RGS17: variants seen among roughly 807,000 people sequenced by gnomAD.
RGS17 encodes the protein regulator of G-protein signaling 17.
In RGS17, 12 loss-of-function variants were observed where a neutral mutation model predicts 25.5. That is an observed-to-expected ratio of 0.47 (90% CI 0.30 to 0.76). The LOEUF is 0.76. Ranked by LOEUF, RGS17 falls within the 30% of genes least tolerant of loss-of-function variation. RGS17 has a pLI of 0.07. For synonymous variants in RGS17, 71 were observed against 76.9 expected (o/e 0.92, Z 0.40); for missense variants, 196 against 242.2 (o/e 0.81, Z 1.27).
At chr6:153,029,948 T>C (rs1375718572) in intron 2 of RGS17, among the ~76,000 whole-genome samples, 2 of 152,200 alleles carry the variant, frequency 1.3e-5, no homozygotes, top group South Asian at 2.1e-4. Context: ...CATTTAAAAC[T>C]AACATTTCTA....
chr6:153,045,741 G>C (rs1455033341), intron 1 of RGS17, among the ~76,000 whole-genome samples: 1 of 152,062 alleles, frequency 6.6e-6, no homozygotes, highest in African/African-American at 2.4e-5. Context: ...GCTAATAACA[G>C]AATCACCTAA....
intron 1 of RGS17, among the ~76,000 whole-genome samples, chr6:153,052,565 C>T (rs186196832): frequency 2.0e-4 from 30 of 152,016 alleles, no homozygotes; most frequent in African/African-American, 7.2e-4. Context: ...ATGTTCATAG[C>T]TGGAGAGGAG....
intron 2 of RGS17, among the ~76,000 whole-genome samples, chr6:153,039,567 G>C (rs1013982641): frequency 3.9e-5 from 6 of 152,112 alleles, no homozygotes; most frequent in African/African-American, 1.4e-4. Context: ...TTGCTTGATG[G>C]GACACCCACA....
chr6:153,099,414 CA>C (rs1777262063), intron 1 of RGS17, among the ~76,000 whole-genome samples: 2 of 152,134 alleles, frequency 1.3e-5, no homozygotes, highest in Non-Finnish European at 2.9e-5. Flanking sequence ...CAATTAAGTT[CA>C]AATAAGTATT....
chr6:153,081,993 G>A (rs1776993739), intron 1 of RGS17, among the ~76,000 whole-genome samples: 1 of 152,104 alleles, frequency 6.6e-6, no homozygotes, highest in South Asian at 2.1e-4. Flanking sequence ...AATCTTGAAC[G>A]ATAGATTGGG....
chr6:153,063,808 C>G (rs1185870341), intron 1 of RGS17, among the ~76,000 whole-genome samples: 1 of 151,852 alleles, frequency 6.6e-6, no homozygotes, highest in African/African-American at 2.4e-5. Flanking sequence ...AAATAAATTC[C>G]CAAAGGTCAA....
At chr6:153,055,203 A>G (rs1776536433) in intron 1 of RGS17, among the ~76,000 whole-genome samples, 1 of 152,132 alleles carries the variant, frequency 6.6e-6, no homozygotes, top group African/African-American at 2.4e-5. Flanking sequence ...CCTGTGCACC[A>G]CTGCAAACTG....
intron 2 of RGS17, among the ~76,000 whole-genome samples, chr6:153,038,979 G>T (rs1298589609): frequency 6.6e-6 from 1 of 152,140 alleles, no homozygotes; most frequent in Non-Finnish European, 1.5e-5. Flanking sequence ...GACAATTTTA[G>T]CTTTCAAAAG....
chr6:153,106,927 C>G (rs1161205845), intron 1 of RGS17, among the ~76,000 whole-genome samples: 1 of 151,918 alleles, frequency 6.6e-6, no homozygotes, highest in Admixed American at 6.6e-5. Context: ...AGCCACCGTG[C>G]CTGGCTGTAT....
intron 4 of RGS17, among the ~76,000 whole-genome samples, chr6:153,016,299 T>C (rs1381489530): frequency 2.6e-5 from 4 of 152,358 alleles, no homozygotes; most frequent in Admixed American, 1.3e-4. Flanking sequence ...ACACTGGAGT[T>C]TAAACTGAGA....
chr6:153,072,357 G>C (rs1435479494), intron 1 of RGS17, among the ~76,000 whole-genome samples: 1 of 152,156 alleles, frequency 6.6e-6, no homozygotes, highest in African/African-American at 2.4e-5. Flanking sequence ...GTGTTACCCA[G>C]TTGGGTAGAA....
rs3083488 is a variant in RGS17, at chr6:153,097,290, AT to A, written c.-26+33833del. On this transcript the variant is annotated intron_variant, in intron 1 of 4. Transcript: ENST00000206262. Reference sequence around the variant, plus strand: ...GGGCTTAGACAATAGCGTTTTTTTGATTTTTTTTTTTTTTTTTTTTTTTTTT... The same window carrying A: ...GGGCTTAGACAATAGCGTTTTTTTGATTTTTTTTTTTTTTTTTTTTTTTTT... Among the ~76,000 whole-genome samples the A allele has an allele frequency of 7.7e-3, 680 of 88,276 alleles. 2 individuals carry two copies. Among genetic ancestry groups the A allele is most frequent in the African/African-American group, 0.023 (500 of 21,756 alleles). 57.9% of individuals were successfully genotyped at this position (88,276 alleles called of 152,430 possible).
chr6:153,118,264 C>T (rs1777571200), intron 1 of RGS17, among the ~76,000 whole-genome samples: 1 of 152,204 alleles, frequency 6.6e-6, no homozygotes, highest in Admixed American at 6.5e-5. Flanking sequence ...AATATTACTG[C>T]CTTATTGGCT....
intron 1 of RGS17, among the ~76,000 whole-genome samples, chr6:153,078,709 A>G (rs1446732334): frequency 6.6e-6 from 1 of 152,018 alleles, no homozygotes; most frequent in Non-Finnish European, 1.5e-5. Flanking sequence ...TAGCAACTTT[A>G]TTTTCAATCA....
At chr6:153,015,944 C>T (rs369366834) in intron 4 of RGS17, among the ~76,000 whole-genome samples, 1 of 152,148 alleles carries the variant, frequency 6.6e-6, no homozygotes, top group African/African-American at 2.4e-5. Flanking sequence ...TGAGCCACCG[C>T]GCCCAGCCAA....
At chr6:153,126,765 C>A (rs1777710168) in intron 1 of RGS17, among the ~76,000 whole-genome samples, 1 of 152,096 alleles carries the variant, frequency 6.6e-6, no homozygotes, top group Non-Finnish European at 1.5e-5. Context: ...GGAGAAACTG[C>A]AATAGAGATA....
rs1779110000 is a variant in RGS17 at position 153,009,480 on chromosome 6, T to C, written c.*2094A>G. 1 of 152,038 alleles carries C rather than the reference T, an allele frequency of 6.6e-6. No homozygotes were observed. Among genetic ancestry groups the C allele is most frequent in the African/African-American group, 2.4e-5 (1 of 41,446 alleles). The allele number at this position is 152,038 out of a possible 1,614,324, so 9.4% of individuals were successfully genotyped here. On this transcript the variant is annotated 3_prime_UTR_variant, in exon 5 of 5. Coordinates refer to ENST00000206262, the MANE Select transcript of RGS17 (RefSeq NM_012419.5). ...ATAGAAGTGATGATTCTTTTAGGTT[T>C]TTCTTTACTCTTTAGGAAAAAATAT...
chr6:153,124,546 T>C (rs1173403656), intron 1 of RGS17, among the ~76,000 whole-genome samples: 2 of 152,242 alleles, frequency 1.3e-5, no homozygotes, highest in Non-Finnish European at 2.9e-5. Context: ...AGTACCAATA[T>C]ATGAAAGATT....
chr6:153,085,566 GTGC>G (rs1330589759), intron 1 of RGS17, among the ~76,000 whole-genome samples: 1 of 152,196 alleles, frequency 6.6e-6, no homozygotes, highest in Admixed American at 6.5e-5. Context: ...AAGGGAAGCA[GTGC>G]ATTAATTTAT....
Sources: allele counts gnomAD v4.1 joint callset (sites outside exome capture counted in the v4.1 genomes callset), GRCh38; gene constraint gnomAD v4.1.1; transcripts MANE v1.5; gene names NCBI Gene and HGNC (gene_info 2026-07-23, HGNC 2026-07-21).